Variants in ZNF490 observed in about 807,000 individuals in gnomAD.
ZNF490 encodes zinc finger protein 490.
In ZNF490, 11 loss-of-function variants were observed where a neutral mutation model predicts 17.7. The ratio of observed to expected loss-of-function variants is 0.62; its 90% CI spans 0.39 to 1.03. The LOEUF is 1.03. Ranked by LOEUF, ZNF490 falls within the 50% of genes least tolerant of loss-of-function variation. The pLI is 0.00. For missense variants in ZNF490, 542 were observed against 643.4 expected (o/e 0.84, Z 1.71); for synonymous variants, 222 against 216.1 (o/e 1.03, Z -0.24).
chr19:12,579,041 C>CA lies in ZNF490; in HGVS notation c.*1443dup. On this transcript the variant is annotated 3_prime_UTR_variant, in exon 5 of 5. Coordinates refer to ENST00000311437, the MANE Select transcript of ZNF490 (RefSeq NM_020714.3). ...GGCCGAGGAGGGCGGATCACGAGGT[C>CA]AGGAGATCAAGACTATCCTGGCTAA... is the stretch of plus-strand genomic sequence containing the variant. The CA allele has an allele frequency of 1.7e-6, 1 of 597,506 alleles. No individual in the cohort carries two copies. 37.0% of individuals were successfully genotyped at this position (597,506 alleles called of 1,614,324 possible).
Position 12,596,548 on chromosome 19 carries a change from C to A in ZNF490, c.162+12610G>T, listed in dbSNP as rs1156400040. 3.3e-5 allele frequency among the ~76,000 whole-genome samples: 5 copies of A among 152,158 alleles called. No individual in the cohort carries two copies. The East Asian group carries it at 9.6e-4, about 29-fold the overall frequency. On this transcript the variant is annotated intron_variant, in intron 2 of 4. Coordinates refer to ENST00000311437, the MANE Select transcript of ZNF490 (RefSeq NM_020714.3). ...AAAATTTGAAATTAGCCAGTAGTGG[C>A]AGATGCCTTTAGTCCCAGCTACTCA...
rs1328727986 is a variant in ZNF490, at chr19:12,587,777, C to T, written c.163-4221G>A. Among the ~76,000 whole-genome samples, 7 of 92,462 alleles carry T rather than the reference C, an allele frequency of 7.6e-5. 1 individual carries two copies. The highest frequency in any genetic ancestry group is 2.3e-4 in the African/African-American group (7 of 30,754). The allele number at this position is 92,462 out of a possible 152,430, so 60.7% of individuals were successfully genotyped here. Reference sequence around the variant, plus strand: ...GTGGCGCAATCTTGGCTCACTGCAACCTCCACCTCCCGGGTTCAAGCGATT... The same window carrying T: ...GTGGCGCAATCTTGGCTCACTGCAATCTCCACCTCCCGGGTTCAAGCGATT... On this transcript the variant is annotated intron_variant, in intron 2 of 4. Transcript: ENST00000311437.
In ZNF490 at chr19:12,580,892, A is replaced by G. The variant is rs1568277403; in HGVS notation, c.1183T>C (p.Cys395Arg). The change falls in exon 5 of 5, where the codon TGT (cysteine) becomes CGT (arginine). Residue 395 changes from cysteine (C) to arginine (R), a missense_variant. Coordinates refer to ENST00000311437, the MANE Select transcript of ZNF490 (RefSeq NM_020714.3). ...CTTGAAGAATTGAAGGCTTTACCAC[A>G]TTGTTTACATTCATAGGGTTTTTCT... The part of the protein sequence containing the change: ...FGEKPYECKQ[C>R]GKAFNSSSYL... The G allele has an allele frequency of 2.5e-6, 4 of 1,614,202 alleles. No homozygotes were observed. Among genetic ancestry groups the G allele is most frequent in the Non-Finnish European group, 2.5e-6 (3 of 1,180,038 alleles).
Position 12,578,539 on chromosome 19 carries a change from G to C in ZNF490, c.*1946C>G. ...AGGTTTGAGATGGGAAATGGAGCTG[G>C]AGATGACCTCAAAACAGCCCTGGAA... On this transcript the variant is annotated 3_prime_UTR_variant, in exon 5 of 5. Transcript: ENST00000311437. 1 of 985,452 alleles carries C rather than the reference G, an allele frequency of 1.0e-6. No individual in the cohort carries two copies. The highest frequency in any genetic ancestry group is 5.2e-4 in the Middle Eastern group (1 of 1,912). 61.0% of individuals were successfully genotyped at this position (985,452 alleles called of 1,614,324 possible).
In ZNF490 at chr19:12,578,335, A is replaced by T; in HGVS notation, c.*2150T>A. 2 of 985,594 alleles carry T rather than the reference A, an allele frequency of 2.0e-6. No individual in the cohort carries two copies. The highest frequency in any genetic ancestry group is 2.4e-6 in the Non-Finnish European group (2 of 830,048). 61.1% of individuals were successfully genotyped at this position (985,594 alleles called of 1,614,324 possible). On this transcript the variant is annotated 3_prime_UTR_variant, in exon 5 of 5. Coordinates refer to ENST00000311437, the MANE Select transcript of ZNF490 (RefSeq NM_020714.3). ...CTGTGACTCCACTAGCAGTTTTGAG[A>T]TTATTCTGACTGTGGTGGTTGGTGC...
intron 2 of ZNF490, among the ~76,000 whole-genome samples, chr19:12,597,905 T>C (rs1165670583): frequency 1.3e-5 from 2 of 152,212 alleles, no homozygotes; most frequent in East Asian, 1.9e-4. Flanking sequence ...AACCCGCCTC[T>C]ACAAAATTAA....
Position 12,580,885 on chromosome 19 carries a change from T to C in ZNF490, c.1190A>G (p.Lys397Arg). ...EKPYECKQCG[K>R]AFNSSSYLQL... ...AAGGTAACTTGAAGAATTGAAGGCT[T>C]TACCACATTGTTTACATTCATAGGG... The change falls in exon 5 of 5, where the codon AAA becomes AGA. Residue 397 changes from lysine (K) to arginine (R), a missense_variant. By Grantham distance (26) the Lys-to-Arg change is conservative. Transcript: ENST00000311437. 1 of 1,614,234 alleles carries C rather than the reference T, an allele frequency of 6.2e-7. No individual in the cohort carries two copies. The highest frequency in any genetic ancestry group is 1.1e-5 in the South Asian group (1 of 91,086).
chr19:12,605,497 AC>A (rs1568283287), intron 2 of ZNF490, among the ~76,000 whole-genome samples: 2 of 146,286 alleles, frequency 1.4e-5, no homozygotes, highest in Non-Finnish European at 3.0e-5. Flanking sequence ...AAAAAAAAAA[AC>A]ACTTTGTAAT....
At chr19:12,591,564 G>A (rs893032185) in intron 2 of ZNF490, among the ~76,000 whole-genome samples, 4 of 151,936 alleles carry the variant, frequency 2.6e-5, no homozygotes, top group African/African-American at 7.3e-5. Flanking sequence ...TTAAAAATGG[G>A]CAAAAGATAT....
In ZNF490 at chr19:12,608,185, C is replaced by T. The variant is rs149031801; in HGVS notation, c.162+973G>A. On this transcript the variant is annotated intron_variant, in intron 2 of 4. Transcript: ENST00000311437. ...AAATTAGGTACCCCCGACACTAACC[C>T]GTGCCTTATCCGTCTCTTGCATGTT... 1.4e-3 allele frequency among the ~76,000 whole-genome samples: 209 copies of T among 152,270 alleles called. 1 individual carries two copies. The highest frequency in any genetic ancestry group is 2.2e-3 in the Non-Finnish European group (153 of 68,034).
chr19:12,595,328 T>C (rs1380097104), intron 2 of ZNF490, among the ~76,000 whole-genome samples: 1 of 151,730 alleles, frequency 6.6e-6, no homozygotes, highest in Non-Finnish European at 1.5e-5. Context: ...GAGAAGGGGG[T>C]TTCTCCATGT....
intron 2 of ZNF490, among the ~76,000 whole-genome samples, chr19:12,599,894 T>C (rs2022980833): frequency 2.0e-5 from 3 of 152,200 alleles, no homozygotes; most frequent in Admixed American, 2.0e-4. Context: ...GGGGGTATTA[T>C]CCAGTTTTTC....
At chr19:12,590,309 C>G (rs1042682664) in intron 2 of ZNF490, among the ~76,000 whole-genome samples, 3 of 150,186 alleles carry the variant, frequency 2.0e-5, no homozygotes, top group Non-Finnish European at 3.0e-5. Context: ...CTCCACCTCC[C>G]GGGTTCAAGA....
intron 2 of ZNF490, among the ~76,000 whole-genome samples, chr19:12,592,949 C>T (rs891761758): frequency 2.6e-5 from 4 of 152,202 alleles, no homozygotes; most frequent in African/African-American, 9.6e-5. Context: ...ATGAAACATA[C>T]AACCTTTCAC....
At chr19:12,595,279 C>T (rs2145154546) in intron 2 of ZNF490, among the ~76,000 whole-genome samples, 2 of 152,042 alleles carry the variant, frequency 1.3e-5, no homozygotes, top group Middle Eastern at 3.4e-3. Context: ...GGATTACAGC[C>T]ATGCACCACC....
chr19:12,607,113 G>C (rs1599314999), intron 2 of ZNF490, among the ~76,000 whole-genome samples: 1 of 152,122 alleles, frequency 6.6e-6, no homozygotes, highest in East Asian at 1.9e-4. Context: ...GCTGATGTGG[G>C]AGGATCACTT....
Position 12,578,590 on chromosome 19 carries a change from A to G in ZNF490, c.*1895T>C. 4 of 985,484 alleles carry G rather than the reference A, an allele frequency of 4.1e-6. No homozygotes were observed. Among genetic ancestry groups the G allele is most frequent in the Non-Finnish European group, 4.8e-6 (4 of 829,958 alleles). The allele number at this position is 985,484 out of a possible 1,614,324, so 61.0% of individuals were successfully genotyped here. ...TAATGCAATGCTGACAATGTCTGTGAATTAGGATGTGCATAGGCAGATCCC... is the reference window on the plus strand; with the variant it reads ...TAATGCAATGCTGACAATGTCTGTGGATTAGGATGTGCATAGGCAGATCCC... On this transcript the variant is annotated 3_prime_UTR_variant, in exon 5 of 5. Coordinates refer to ENST00000311437, the MANE Select transcript of ZNF490 (RefSeq NM_020714.3).
intron 2 of ZNF490, among the ~76,000 whole-genome samples, chr19:12,602,373 C>T (rs2023019086): frequency 6.6e-6 from 1 of 151,994 alleles, no homozygotes; most frequent in Admixed American, 6.6e-5. Context: ...AGGGTGAAAC[C>T]CCATCTCTAC....
chr19:12,607,506 ATAATAG>A (rs1250829260), intron 2 of ZNF490, among the ~76,000 whole-genome samples: 1 of 151,996 alleles, frequency 6.6e-6, no homozygotes, highest in Non-Finnish European at 1.5e-5. Flanking sequence ...GTGACAGAAC[ATAATAG>A]TAATAGTAAT....
Sources: allele counts gnomAD v4.1 joint callset (sites outside exome capture counted in the v4.1 genomes callset), GRCh38; gene constraint gnomAD v4.1.1; transcripts MANE v1.5; gene names NCBI Gene and HGNC (gene_info 2026-07-23, HGNC 2026-07-21).